The following CHCHD6 variants were observed in gnomAD, a reference collection of about 807,000 sequenced individuals.
CHCHD6 encodes the protein MICOS complex subunit MIC25.
A neutral mutation model predicts 32.3 loss-of-function variants in CHCHD6; 28 were observed. The observed-to-expected ratio is 0.87, with a 90% CI of 0.64 to 1.19. CHCHD6 has a LOEUF of 1.19. Ranked by LOEUF, CHCHD6 falls within the 50% of genes most tolerant of loss-of-function variation. CHCHD6 has a pLI of 0.00. For missense variants in CHCHD6, 333 were observed against 307.0 expected (o/e 1.08, Z -0.63); for synonymous variants, 122 against 117.5 (o/e 1.04, Z -0.25).
chr3:126,821,715 A>G (rs1940163064), intron 4 of CHCHD6, among the ~76,000 whole-genome samples: 1 of 152,138 alleles, frequency 6.6e-6, no homozygotes, highest in South Asian at 2.1e-4. Context: ...GTTTGATTAT[A>G]ACTAATCCCA....
At chr3:126,714,445 C>T (rs1367587684) in intron 1 of CHCHD6, among the ~76,000 whole-genome samples, 1 of 152,098 alleles carries the variant, frequency 6.6e-6, no homozygotes, top group African/African-American at 2.4e-5. Context: ...AATTTCAGCT[C>T]ATAGAAAACT....
chr3:126,921,263 A>AGGGAGC (rs1388104871), intron 6 of CHCHD6, among the ~76,000 whole-genome samples: 1 of 152,210 alleles, frequency 6.6e-6, no homozygotes, highest in Non-Finnish European at 1.5e-5. Context: ...CAGGGCCAAC[A>AGGGAGC]GGGAGCTCTC....
intron 4 of CHCHD6, among the ~76,000 whole-genome samples, chr3:126,753,304 A>G (rs1368467792): frequency 6.6e-6 from 1 of 152,172 alleles, no homozygotes; most frequent in Non-Finnish European, 1.5e-5. Flanking sequence ...GGATATGGTC[A>G]TGCTTGCTTG....
At chr3:126,809,758 G>T (rs896631249) in intron 4 of CHCHD6, among the ~76,000 whole-genome samples, 1 of 152,088 alleles carries the variant, frequency 6.6e-6, no homozygotes, top group Non-Finnish European at 1.5e-5. Flanking sequence ...TTTCTTTGGG[G>T]CATTACCCCC....
At chr3:126,767,453 C>G (rs1937421955) in intron 4 of CHCHD6, 2 of 667,008 alleles carry the variant, frequency 3.0e-6, no homozygotes, top group Non-Finnish European at 5.5e-6. Flanking sequence ...TTTCTCATTC[C>G]TAGATTTCCA....
chr3:126,819,428 T>C (rs894450448), intron 4 of CHCHD6, among the ~76,000 whole-genome samples: 21 of 152,212 alleles, frequency 1.4e-4, no homozygotes, highest in Admixed American at 1.4e-3. Context: ...GCTAGAAGAT[T>C]CTTTGCAAAG....
chr3:126,731,299 C>T (rs1364083137), intron 3 of CHCHD6, among the ~76,000 whole-genome samples: 1 of 151,954 alleles, frequency 6.6e-6, no homozygotes, highest in Non-Finnish European at 1.5e-5. Context: ...CAGGCCACGA[C>T]CCCAAGAGCT....
chr3:126,880,571 C>G (rs542941678), intron 5 of CHCHD6, among the ~76,000 whole-genome samples: 5 of 152,254 alleles, frequency 3.3e-5, no homozygotes, highest in Middle Eastern at 6.8e-3. Context: ...GATAGCCTTA[C>G]CATCTGAGAG....
intron 1 of CHCHD6, among the ~76,000 whole-genome samples, chr3:126,717,780 T>C (rs965052980): frequency 1.2e-4 from 18 of 145,882 alleles, no homozygotes; most frequent in African/African-American, 4.4e-4. Context: ...TGTGTGTGTG[T>C]GTGTGTGGCT....
rs1345951414 is a variant in CHCHD6, at chr3:126,733,059, T to C, written c.267-19T>C. On this transcript the variant is annotated intron_variant, in intron 3 of 7. Transcript: ENST00000290913. ...TCATGCCATCCACATCTGTTTCTCC[T>C]CATGTTTCTTCTGCACAGGTATGAA... is the stretch of plus-strand genomic sequence containing the variant. 1 of 1,612,712 alleles carries C rather than the reference T, an allele frequency of 6.2e-7. No homozygotes were observed. Among genetic ancestry groups the C allele is most frequent in the Admixed American group, 1.7e-5 (1 of 59,994 alleles).
At chr3:126,907,148 A>G (rs2078019472) in intron 5 of CHCHD6, among the ~76,000 whole-genome samples, 1 of 152,208 alleles carries the variant, frequency 6.6e-6, no homozygotes. Flanking sequence ...ACGCCAACCT[A>G]GGGTCTCAGG....
intron 6 of CHCHD6, among the ~76,000 whole-genome samples, chr3:126,916,514 G>A (rs1482250376): frequency 6.6e-6 from 1 of 152,192 alleles, no homozygotes; most frequent in Non-Finnish European, 1.5e-5. Flanking sequence ...AAGGACAGGT[G>A]TTGAGGTAGA....
At chr3:126,872,339 T>C (rs1252262607) in intron 5 of CHCHD6, among the ~76,000 whole-genome samples, 1 of 152,144 alleles carries the variant, frequency 6.6e-6, no homozygotes, top group East Asian at 1.9e-4. Flanking sequence ...TGTTTGAGTC[T>C]AGCCTGAGCA....
intron 5 of CHCHD6, 52 bp downstream of exon 5, chr3:126,852,782 GACC>G (rs764714983): frequency 8.5e-5 from 106 of 1,240,556 alleles, no homozygotes; most frequent in Non-Finnish European, 1.2e-4. Context: ...AAAGGCATCT[GACC>G]AGAACACATC....
At chr3:126,760,076 C>G (rs1344265652) in intron 4 of CHCHD6, among the ~76,000 whole-genome samples, 1 of 152,160 alleles carries the variant, frequency 6.6e-6, no homozygotes, top group Non-Finnish European at 1.5e-5. Context: ...CAGCACCAAG[C>G]CATGAAGGAT....
chr3:126,859,943 G>C (rs566066841), intron 5 of CHCHD6, among the ~76,000 whole-genome samples: 1 of 152,294 alleles, frequency 6.6e-6, no homozygotes, highest in African/African-American at 2.4e-5. Flanking sequence ...CATGGAGACT[G>C]ATGCTGGGTT....
chr3:126,813,774 C>G (rs1405525527), intron 4 of CHCHD6, among the ~76,000 whole-genome samples: 2 of 152,200 alleles, frequency 1.3e-5, no homozygotes, highest in African/African-American at 4.8e-5. Flanking sequence ...AATTCTAGCC[C>G]TTTGCCAGTC....
chr3:126,858,852 A>G (rs1941755696), intron 5 of CHCHD6, among the ~76,000 whole-genome samples: 1 of 152,172 alleles, frequency 6.6e-6, no homozygotes, highest in Non-Finnish European at 1.5e-5. Context: ...CTGTGAGACA[A>G]GGGTCATGGG....
chr3:126,869,342 T>A (rs2077435084), intron 5 of CHCHD6, among the ~76,000 whole-genome samples: 1 of 147,504 alleles, frequency 6.8e-6, no homozygotes, highest in African/African-American at 2.5e-5. Flanking sequence ...CGTTATTTAA[T>A]CATTTCCTGT....
Sources: allele counts gnomAD v4.1 joint callset (sites outside exome capture counted in the v4.1 genomes callset), GRCh38; gene constraint gnomAD v4.1.1; transcripts MANE v1.5; gene names NCBI Gene and HGNC (gene_info 2026-07-23, HGNC 2026-07-21).